TMEM248: variants seen among roughly 807,000 people sequenced by gnomAD.
The protein encoded by TMEM248 is UPF0458 protein C7orf42.
TMEM248 carries 9 observed loss-of-function variants against 30.3 expected under a neutral mutation model. That is an observed-to-expected ratio of 0.30 (90% confidence interval 0.18 to 0.52). The LOEUF (loss-of-function observed/expected upper bound fraction) is 0.52, where lower values mean the gene tolerates loss of function less well. TMEM248 is among the 20% of genes least tolerant of loss of function. TMEM248 has a pLI of 0.97. For synonymous variants in TMEM248, 184 were observed against 154.4 expected, an observed-to-expected ratio of 1.19 and a Z score of -1.42; for missense variants, 338 against 403.3, an observed-to-expected ratio of 0.84 and a Z score of 1.39.
At chr7:66,937,278 A>T (rs556378079) in intron 1 of TMEM248, among the ~76,000 whole-genome samples, 1 of 152,270 alleles carries the variant, frequency 6.6e-6, no homozygotes, top group South Asian at 2.1e-4. Context: ...GTCAGAGAAG[A>T]TACTTGATAT....
At chr7:66,951,947 C>A (rs1345852573) in intron 5 of TMEM248, among the ~76,000 whole-genome samples, 1 of 152,144 alleles carries the variant, frequency 6.6e-6, no homozygotes, top group Non-Finnish European at 1.5e-5. Flanking sequence ...CAGGTATGAG[C>A]CGCTGCACCT....
At chr7:66,952,656 G>C (rs1792297221) in intron 5 of TMEM248, among the ~76,000 whole-genome samples, 1 of 152,226 alleles carries the variant, frequency 6.6e-6, no homozygotes, top group African/African-American at 2.4e-5. Flanking sequence ...GCAGGGTCTG[G>C]GAATTGACTG....
At chr7:66,943,815 G>A (rs1343027734) in intron 2 of TMEM248, among the ~76,000 whole-genome samples, 1 of 149,512 alleles carries the variant, frequency 6.7e-6, no homozygotes, top group Non-Finnish European at 1.5e-5. Flanking sequence ...TTTTTGAGGT[G>A]GAGTGTCACT....
intron 1 of TMEM248, among the ~76,000 whole-genome samples, chr7:66,925,028 A>T (rs183819324): frequency 9.2e-5 from 14 of 152,192 alleles, no homozygotes; most frequent in African/African-American, 2.9e-4. Flanking sequence ...AATTAAAAAA[A>T]ATAATTATTA....
intron 3 of TMEM248, among the ~76,000 whole-genome samples, chr7:66,948,319 C>G (rs1792169593): frequency 6.6e-6 from 1 of 152,172 alleles, no homozygotes; most frequent in African/African-American, 2.4e-5. Context: ...CATCTCCAGG[C>G]CATGTACTGG....
chr7:66,946,156 G>A (rs557299818), intron 3 of TMEM248, among the ~76,000 whole-genome samples: 4 of 152,062 alleles, frequency 2.6e-5, no homozygotes, highest in Admixed American at 1.3e-4. Flanking sequence ...CAGCTACTCA[G>A]GAGGCTGAGG....
chr7:66,944,856 C>A (rs1467453283), intron 2 of TMEM248, 120 bp from the exon 3 acceptor site: 2 of 1,021,228 alleles, frequency 2.0e-6, no homozygotes, highest in African/African-American at 1.6e-5. Flanking sequence ...CTTAAATGAT[C>A]AGCTCTGAAT....
At chr7:66,932,703 A>G (rs1791699699) in intron 1 of TMEM248, among the ~76,000 whole-genome samples, 2 of 150,828 alleles carry the variant, frequency 1.3e-5, no homozygotes, top group Admixed American at 6.6e-5. Flanking sequence ...TTTAGTAGAG[A>G]TGGGGTTTCA....
intron 5 of TMEM248, 133 bp from the exon 6 acceptor site, chr7:66,953,093 C>T (rs1792311131): frequency 1.0e-6 from 1 of 982,954 alleles, no homozygotes; most frequent in Non-Finnish European, 1.5e-6. Flanking sequence ...AAGGAGAAAC[C>T]TCCTCTTGCA....
intron 4 of TMEM248, among the ~76,000 whole-genome samples, chr7:66,948,920 C>A (rs1280633281): frequency 6.6e-6 from 1 of 152,030 alleles, no homozygotes; most frequent in African/African-American, 2.4e-5. Flanking sequence ...AGTTAGTGCC[C>A]CCTCGAGGCA....
At chr7:66,954,614 C>T (rs577707812) in intron 6 of TMEM248, among the ~76,000 whole-genome samples, 82 of 152,090 alleles carry the variant, frequency 5.4e-4, no homozygotes, top group Admixed American at 1.8e-3. Context: ...CTAGGCTGGT[C>T]TTGAATTCCT....
At chr7:66,930,288 A>C (rs1270267581) in intron 1 of TMEM248, among the ~76,000 whole-genome samples, 1 of 152,226 alleles carries the variant, frequency 6.6e-6, no homozygotes, top group Admixed American at 6.5e-5. Context: ...TAGCTCCAGT[A>C]GGTGACTGTT....
chr7:66,934,898 G>C lies in TMEM248; in HGVS notation c.-18-6950G>C, dbSNP rs1261888622. Reference sequence around the variant, plus strand: ...GAAACCCTGTCTCTACTTAAAAAAAGACAAAAATTAGCCAGGCATGTTGGC... The same window carrying C: ...GAAACCCTGTCTCTACTTAAAAAAACACAAAAATTAGCCAGGCATGTTGGC... On this transcript the variant is annotated intron_variant, in intron 1 of 6. Transcript: ENST00000341567. 2.0e-5 allele frequency among the ~76,000 whole-genome samples: 3 copies of C among 151,772 alleles called. No individual in the cohort carries two copies. The East Asian group carries it at 5.9e-4, about 30-fold the overall frequency.
At chr7:66,948,408 C>T in intron 3 of TMEM248, 136 bp from the exon 4 acceptor site, 3 of 1,078,380 alleles carry the variant, frequency 2.8e-6, no homozygotes, top group South Asian at 1.5e-5. Flanking sequence ...GCTCTTCTTC[C>T]TCAGATCCCA....
At chr7:66,930,064 G>A (rs112497904) in intron 1 of TMEM248, among the ~76,000 whole-genome samples, 6,208 of 152,288 alleles carry the variant, frequency 0.041, 201 homozygotes, top group Non-Finnish European at 0.068. Flanking sequence ...GGAGGCCAAG[G>A]TGGGAGGATC....
chr7:66,927,371 C>G (rs1403008123), intron 1 of TMEM248, among the ~76,000 whole-genome samples: 2 of 151,924 alleles, frequency 1.3e-5, no homozygotes, highest in Admixed American at 1.3e-4. Flanking sequence ...TATGAGACTA[C>G]TGATGTTGCC....
At position 66,955,500 on chromosome 7, in the gene TMEM248, AGG is replaced by A; in HGVS notation, c.925-1_925del. 1 of 1,614,160 alleles carries A rather than the reference AGG, an allele frequency of 6.2e-7. No individual in the cohort carries two copies. Among genetic ancestry groups the A allele is most frequent in the South Asian group, 1.1e-5 (1 of 91,074 alleles). On this transcript the variant is annotated splice_acceptor_variant and coding_sequence_variant, in exon 7 of 7. Coordinates refer to ENST00000341567, the MANE Select transcript of TMEM248 (RefSeq NM_017994.5). LOFTEE classifies it high-confidence loss of function. ...TGGTTTCCCTGGCTTGCTGTCTTCC[AGG>A]TGGCTTTGGCTGAAGCCTAATTCCA... is the stretch of plus-strand genomic sequence containing the variant.
At position 66,956,251 on chromosome 7, in the gene TMEM248, T is replaced by A. The variant is rs1264410848; in HGVS notation, c.*729T>A. Reference sequence around the variant, plus strand: ...ATCTAAGTTTCATTTTCCACATGGATGACCAGGAACCTGGTCTTGTTGGAG... The same window carrying A: ...ATCTAAGTTTCATTTTCCACATGGAAGACCAGGAACCTGGTCTTGTTGGAG... On this transcript the variant is annotated 3_prime_UTR_variant, in exon 7 of 7. Transcript: ENST00000341567. 1.3e-5 allele frequency: 2 copies of A among 152,230 alleles called. No homozygotes were observed. The highest frequency in any genetic ancestry group is 2.9e-5 in the Non-Finnish European group (2 of 68,042). The allele number at this position is 152,230 out of a possible 1,614,324, so 9.4% of individuals were successfully genotyped here.
rs2129227338 is a variant in TMEM248 at position 66,957,577 on chromosome 7, C to T, written c.*2055C>T. ...CTAGAAACGTCATTATCATTAGGAC[C>T]ATCAGATTTTAGATTAAGCTGCTAT... On this transcript the variant is annotated 3_prime_UTR_variant, in exon 7 of 7. Coordinates refer to ENST00000341567, the MANE Select transcript of TMEM248 (RefSeq NM_017994.5). The T allele has an allele frequency of 6.6e-6, 1 of 152,274 alleles. No homozygotes were observed. Among genetic ancestry groups the T allele is most frequent in the East Asian group, 1.9e-4 (1 of 5,184 alleles). 9.4% of individuals were successfully genotyped at this position (152,274 alleles called of 1,614,324 possible).
Sources: gnomAD v4.1 joint callset for allele counts (sites outside exome capture counted in the v4.1 genomes callset) on GRCh38, gnomAD v4.1.1 for gene constraint, MANE v1.5 for transcripts, NCBI Gene and HGNC (gene_info 2026-07-23, HGNC 2026-07-21) for gene names.